Variants in CALN1 observed in about 807,000 individuals in gnomAD.
CALN1 encodes the protein calcium-binding protein 8.
In CALN1, 17 loss-of-function variants were observed where a neutral mutation model predicts 30.6. The observed-to-expected ratio is 0.56, with a 90% CI of 0.38 to 0.83. CALN1 has a LOEUF of 0.83. Among genes scored for constraint, CALN1 ranks in the 40% least tolerant of loss-of-function variants. The pLI, the probability that CALN1 is intolerant of heterozygous loss-of-function variation, is 0.00. For missense variants in CALN1, 291 were observed against 354.9 expected (o/e 0.82, Z 1.45); for synonymous variants, 156 against 131.4 (o/e 1.19, Z -1.28).
Position 72,294,556 on chromosome 7 carries a change from C to T in CALN1, c.120-15746G>A, listed in dbSNP as rs575544460. 5.9e-5 allele frequency among the ~76,000 whole-genome samples: 9 copies of T among 152,080 alleles called. No individual in the cohort carries two copies. The South Asian group carries it at 8.3e-4, about 14-fold the overall frequency. On this transcript the variant is annotated intron_variant, in intron 2 of 6. Transcript: ENST00000395275. ...CTTGAGGCCAGGAGTTTGAGACCAG[C>T]CTGGGCAACACAGCGAAACCTCATC...
chr7:72,406,407 C>G (rs1313869309), intron 1 of CALN1, among the ~76,000 whole-genome samples: 1 of 152,148 alleles, frequency 6.6e-6, no homozygotes, highest in Non-Finnish European at 1.5e-5. Context: ...AATGAGCTTC[C>G]TTGTCCCCAA....
intron 2 of CALN1, among the ~76,000 whole-genome samples, chr7:72,280,071 A>C (rs1797629992): frequency 6.6e-6 from 1 of 152,238 alleles, no homozygotes; most frequent in African/African-American, 2.4e-5. Context: ...TGCTATTTCC[A>C]TTAAGCAGAC....
the CALN1 span, among the ~76,000 whole-genome samples, chr7:72,467,157 G>A: frequency 1.3e-5 from 2 of 152,192 alleles, no homozygotes; most frequent in African/African-American, 4.8e-5. Flanking sequence ...ATGTGTCTGA[G>A]ACAGCCTATG....
intron 5 of CALN1, among the ~76,000 whole-genome samples, chr7:72,007,095 C>T (rs913113981): frequency 6.6e-6 from 1 of 152,172 alleles, no homozygotes. Flanking sequence ...GCAACCAAAT[C>T]CCCAATTTTT....
At chr7:72,296,940 A>G (rs973967271) in intron 2 of CALN1, among the ~76,000 whole-genome samples, 1 of 150,978 alleles carries the variant, frequency 6.6e-6, no homozygotes, top group Non-Finnish European at 1.5e-5. Flanking sequence ...AGTTCTTTTA[A>G]TTGTGATGTT....
rs142020969 is a variant in CALN1 at position 71,781,893 on chromosome 7, A to G, written c.*5882T>C. On this transcript the variant is annotated 3_prime_UTR_variant, in exon 7 of 7. Transcript: ENST00000395275. ...AGGACTGTCTTGTGGGTGGGACTGG[A>G]AAAACCTCATTCTTTGTGATATATT... 1 of 152,322 alleles carries G rather than the reference A, an allele frequency of 6.6e-6. No individual in the cohort carries two copies. Among genetic ancestry groups the G allele is most frequent in the African/African-American group, 2.4e-5 (1 of 41,568 alleles). The allele number at this position is 152,322 out of a possible 1,614,324, so 9.4% of individuals were successfully genotyped here.
chr7:72,237,634 G>A (rs1260655403), intron 3 of CALN1, among the ~76,000 whole-genome samples: 1 of 152,162 alleles, frequency 6.6e-6, no homozygotes, highest in Non-Finnish European at 1.5e-5. Flanking sequence ...GGTTCTTGGG[G>A]CTGAGTTCTG....
chr7:72,244,051 G>C (rs1230344996), intron 3 of CALN1, among the ~76,000 whole-genome samples: 1 of 152,150 alleles, frequency 6.6e-6, no homozygotes, highest in African/African-American at 2.4e-5. Flanking sequence ...TTTTCTGAAG[G>C]CTGAATCTCC....
At chr7:72,009,034 GATAAT>G (rs1259905995) in intron 5 of CALN1, among the ~76,000 whole-genome samples, 1 of 152,086 alleles carries the variant, frequency 6.6e-6, no homozygotes, top group Non-Finnish European at 1.5e-5. Context: ...GTAACCTGAA[GATAAT>G]ATAAGTTTTC....
chr7:72,226,432 G>T (rs939745364), intron 3 of CALN1, among the ~76,000 whole-genome samples: 5 of 151,934 alleles, frequency 3.3e-5, no homozygotes, highest in African/African-American at 1.2e-4. Context: ...CCCTCTTTGG[G>T]CCTCAGTTTC....
At chr7:71,847,019 G>T (rs1434292573) in intron 5 of CALN1, among the ~76,000 whole-genome samples, 2 of 150,120 alleles carry the variant, frequency 1.3e-5, no homozygotes, top group African/African-American at 4.9e-5. Flanking sequence ...ATGTCATGGA[G>T]GCTAATAAGC....
chr7:72,223,767 G>A (rs1793476028), intron 3 of CALN1, among the ~76,000 whole-genome samples: 1 of 152,182 alleles, frequency 6.6e-6, no homozygotes, highest in Non-Finnish European at 1.5e-5. Flanking sequence ...ATCAACAGTG[G>A]ATTGGGTAAA....
At chr7:72,036,821 G>C (rs1801826869) in intron 4 of CALN1, among the ~76,000 whole-genome samples, 1 of 150,648 alleles carries the variant, frequency 6.6e-6, no homozygotes, top group African/African-American at 2.4e-5. Context: ...CTTTGAATGG[G>C]CCATTCTTTC....
chr7:72,385,122 T>C (rs1442706134), intron 2 of CALN1, among the ~76,000 whole-genome samples: 1 of 152,208 alleles, frequency 6.6e-6, no homozygotes, highest in East Asian at 1.9e-4. Flanking sequence ...CATATTAGAA[T>C]GACTAGAACA....
At chr7:72,197,362 T>C (rs1176047240) in intron 3 of CALN1, among the ~76,000 whole-genome samples, 2 of 151,862 alleles carry the variant, frequency 1.3e-5, no homozygotes, top group African/African-American at 4.8e-5. Context: ...CCACCACGCA[T>C]GGCTAATTTT....
At chr7:72,133,805 C>A (rs1393079443) in intron 3 of CALN1, among the ~76,000 whole-genome samples, 1 of 152,134 alleles carries the variant, frequency 6.6e-6, no homozygotes, top group African/African-American at 2.4e-5. Context: ...GATATTTCTG[C>A]AAAAGCTGTA....
At chr7:72,394,906 C>G (rs1805814506) in intron 2 of CALN1, among the ~76,000 whole-genome samples, 1 of 152,132 alleles carries the variant, frequency 6.6e-6, no homozygotes, top group Non-Finnish European at 1.5e-5. Context: ...GATCCTCCCA[C>G]CTCAGCCTCC....
chr7:72,174,926 A>AT (rs33979752), intron 3 of CALN1, among the ~76,000 whole-genome samples: 28,919 of 137,656 alleles, frequency 0.21, 4,173 homozygotes, highest in East Asian at 0.31. Flanking sequence ...AATATAATCA[A>AT]TTTTTTTTTT....
intron 5 of CALN1, among the ~76,000 whole-genome samples, chr7:71,878,956 T>C (rs891377191): frequency 1.3e-5 from 2 of 152,188 alleles, no homozygotes; most frequent in Non-Finnish European, 2.9e-5. Flanking sequence ...GATGGGGTGC[T>C]GGGACAGTGA....
Sources: allele counts gnomAD v4.1 joint callset (sites outside exome capture counted in the v4.1 genomes callset), GRCh38; gene constraint gnomAD v4.1.1; transcripts MANE v1.5; gene names NCBI Gene and HGNC (gene_info 2026-07-23, HGNC 2026-07-21).